Variants in PACRG observed in about 807,000 individuals in gnomAD.
PACRG encodes parkin coregulated gene protein.
In PACRG, 29 loss-of-function variants were observed where a neutral mutation model predicts 29.7. The observed-to-expected ratio is 0.98, with a 90% CI of 0.73 to 1.33. PACRG has a LOEUF of 1.33. Among genes scored for constraint, PACRG ranks in the 40% most tolerant of loss-of-function variants. The pLI, the probability that PACRG is intolerant of heterozygous loss-of-function variation, is 0.00. For missense variants in PACRG, 279 were observed against 316.2 expected, an observed-to-expected ratio of 0.88 and a Z score of 0.89; for synonymous variants, 116 against 118.7, an observed-to-expected ratio of 0.98 and a Z score of 0.15.
intron 3 of PACRG, among the ~76,000 whole-genome samples, chr6:163,064,026 C>T (rs961794074): frequency 6.6e-6 from 1 of 151,830 alleles, no homozygotes; most frequent in Admixed American, 6.6e-5. Flanking sequence ...GAATATTCTC[C>T]GCAGGAACTA....
chr6:163,258,900 T>C (rs1290233560), intron 4 of PACRG, among the ~76,000 whole-genome samples: 2 of 152,222 alleles, frequency 1.3e-5, no homozygotes, highest in Non-Finnish European at 2.9e-5. Context: ...AACATCATTA[T>C]GATAAAAATG....
At position 163,076,319 on chromosome 6, in the gene PACRG, G is replaced by C. The variant is rs1812537081; in HGVS notation, c.464-12940G>C. Among the ~76,000 whole-genome samples, 3 of 152,160 alleles carry C rather than the reference G, an allele frequency of 2.0e-5. No homozygotes were observed. The South Asian group carries it at 6.2e-4, about 31-fold the overall frequency. ...TAATTCTAAGAGGTCAGCTAAGGCA[G>C]AGCTTACATGCAAATTTCAGTTTAC... On this transcript the variant is annotated intron_variant, in intron 3 of 4. Coordinates refer to ENST00000366888, the MANE Select transcript of PACRG (RefSeq NM_001080379.2).
At chr6:163,164,551 G>A (rs1196562925) in intron 4 of PACRG, among the ~76,000 whole-genome samples, 2 of 152,216 alleles carry the variant, frequency 1.3e-5, no homozygotes, top group East Asian at 3.8e-4. Flanking sequence ...AAGCTGCATA[G>A]GAGAGAGAGT....
intron 2 of PACRG, among the ~76,000 whole-genome samples, chr6:162,910,570 A>G (rs1796236336): frequency 6.6e-6 from 1 of 152,230 alleles, no homozygotes; most frequent in African/African-American, 2.4e-5. Flanking sequence ...AAAAACCACA[A>G]AAACCATTAT....
intron 2 of PACRG, among the ~76,000 whole-genome samples, chr6:162,924,991 A>G (rs912343000): frequency 6.6e-6 from 1 of 152,190 alleles, no homozygotes; most frequent in African/African-American, 2.4e-5. Flanking sequence ...AGATATCACC[A>G]CTGACCCCAC....
intron 1 of PACRG, among the ~76,000 whole-genome samples, chr6:162,735,925 A>C (rs946443263): frequency 1.3e-5 from 2 of 152,240 alleles, no homozygotes; most frequent in Non-Finnish European, 2.9e-5. Flanking sequence ...AATAAAATAA[A>C]GTGTAATTAA....
intron 1 of PACRG, among the ~76,000 whole-genome samples, chr6:162,773,848 A>G (rs925955430): frequency 6.6e-6 from 1 of 152,146 alleles, no homozygotes; most frequent in Non-Finnish European, 1.5e-5. Flanking sequence ...AAATGTAAAG[A>G]CAAATCCTGG....
At chr6:162,989,786 G>T in intron 2 of PACRG, among the ~76,000 whole-genome samples, 1 of 140,210 alleles carries the variant, frequency 7.1e-6, no homozygotes, top group Admixed American at 7.4e-5. Flanking sequence ...TGTGCACATT[G>T]TGCAGGTTAG....
chr6:163,078,581 G>C (rs947611480), intron 3 of PACRG, among the ~76,000 whole-genome samples: 1 of 152,044 alleles, frequency 6.6e-6, no homozygotes, highest in South Asian at 2.1e-4. Flanking sequence ...TAATATGTAA[G>C]GTTATAAGTG....
At chr6:162,743,242 T>C (rs1780736502) in intron 1 of PACRG, among the ~76,000 whole-genome samples, 2 of 152,354 alleles carry the variant, frequency 1.3e-5, no homozygotes, top group Admixed American at 1.3e-4. Flanking sequence ...TTATTTGAGT[T>C]CATGTTTTTC....
At chr6:163,269,817 GAAGGAGAAAGAAAGAAAGAAAA>G (rs879425603) in intron 4 of PACRG, among the ~76,000 whole-genome samples, 17,930 of 78,744 alleles carry the variant, frequency 0.23, 4,809 homozygotes, top group Non-Finnish European at 0.29. Flanking sequence ...AGGAAGGAAG[GAAGGAGAAAGAAAGAAAGAAAA>G]AGAAAGAAAG....
At chr6:162,819,166 T>G (rs1787616134) in intron 2 of PACRG, among the ~76,000 whole-genome samples, 1 of 152,118 alleles carries the variant, frequency 6.6e-6, no homozygotes, top group South Asian at 2.1e-4. Flanking sequence ...AACTGATACA[T>G]ATGAGCAGGT....
At chr6:163,220,876 G>C (rs58442010) in intron 4 of PACRG, among the ~76,000 whole-genome samples, 27,948 of 152,058 alleles carry the variant, frequency 0.18, 2,922 homozygotes, top group African/African-American at 0.28. Context: ...TCCCTATGAG[G>C]TAAGATTCAT....
At chr6:163,008,867 C>T (rs1438931849) in intron 2 of PACRG, among the ~76,000 whole-genome samples, 1 of 151,958 alleles carries the variant, frequency 6.6e-6, no homozygotes, top group East Asian at 1.9e-4. Context: ...CTTAGCACTC[C>T]TGACCTCCTG....
At chr6:162,941,391 G>T (rs866932970) in intron 2 of PACRG, among the ~76,000 whole-genome samples, 1 of 152,264 alleles carries the variant, frequency 6.6e-6, no homozygotes, top group Middle Eastern at 3.4e-3. Flanking sequence ...ATTCTTTCAT[G>T]TCCCAAAGTA....
intron 2 of PACRG, among the ~76,000 whole-genome samples, chr6:162,976,246 A>G (rs1218434795): frequency 6.6e-6 from 1 of 152,210 alleles, no homozygotes; most frequent in Non-Finnish European, 1.5e-5. Flanking sequence ...AGATTTAAAT[A>G]GAGAAGGAAA....
intron 4 of PACRG, among the ~76,000 whole-genome samples, chr6:163,313,093 C>CGT (rs139143294): frequency 2.1e-5 from 3 of 144,494 alleles, no homozygotes; most frequent in African/African-American, 5.1e-5. Flanking sequence ...CTCTCTCATT[C>CGT]GTGTGTGTAT....
chr6:163,169,405 AG>A (rs1778961534), intron 4 of PACRG, among the ~76,000 whole-genome samples: 1 of 152,198 alleles, frequency 6.6e-6, no homozygotes, highest in African/African-American at 2.4e-5. Flanking sequence ...GATTTTCCAA[AG>A]GAAGTCAAGA....
chr6:163,226,799 G>A (rs184577210), intron 4 of PACRG, among the ~76,000 whole-genome samples: 5 of 152,328 alleles, frequency 3.3e-5, no homozygotes, highest in East Asian at 3.9e-4. Flanking sequence ...AGCCTCCACC[G>A]TGACCCATGA....
Sources: gnomAD v4.1 joint callset for allele counts (sites outside exome capture counted in the v4.1 genomes callset) on GRCh38, gnomAD v4.1.1 for gene constraint, MANE v1.5 for transcripts, NCBI Gene and HGNC (gene_info 2026-07-23, HGNC 2026-07-21) for gene names.